C6: variants seen among roughly 807,000 people sequenced by gnomAD.
C6 encodes the protein complement component C6.
A neutral mutation model predicts 112.9 loss-of-function variants in C6; 101 were observed. That is an observed-to-expected ratio of 0.89 (90% CI 0.76 to 1.06). The LOEUF (loss-of-function observed/expected upper bound fraction) is 1.06. C6 is among the 50% of genes least tolerant of loss of function. The pLI is 0.00. For missense variants in C6, 1,202 were observed against 1,104.6 expected (o/e 1.09, Z -1.25); for synonymous variants, 431 against 384.1 (o/e 1.12, Z -1.43).
At chr5:41,202,133 G>T (rs1293662657) in intron 2 of C6, among the ~76,000 whole-genome samples, 1 of 152,116 alleles carries the variant, frequency 6.6e-6, no homozygotes, top group Non-Finnish European at 1.5e-5. Flanking sequence ...ACAACATAGG[G>T]GGCTGTGAGG....
At position 41,142,708 on chromosome 5, in the gene C6, T is replaced by A; in HGVS notation, c.*117A>T. 2.4e-6 allele frequency: 2 copies of A among 818,788 alleles called. No individual in the cohort carries two copies. The highest frequency in any genetic ancestry group is 2.8e-5 in the South Asian group (2 of 72,656). The allele number at this position is 818,788 out of a possible 1,614,324, so 50.7% of individuals were successfully genotyped here. ...TGATCTCAAACTAACAGAAAATAAT[T>A]TTTGTCAGTAACTTTGAGCATGCCA... On this transcript the variant is annotated 3_prime_UTR_variant, in exon 18 of 18. Transcript: ENST00000337836.
intron 1 of C6, among the ~76,000 whole-genome samples, chr5:41,210,179 A>G (rs1307238135): frequency 6.6e-6 from 1 of 152,222 alleles, no homozygotes; most frequent in Non-Finnish European, 1.5e-5. Context: ...GAAAGCTGAA[A>G]CTGGATCCCT....
chr5:41,229,588 G>A (rs967680586), intron 1 of C6, among the ~76,000 whole-genome samples: 2 of 151,484 alleles, frequency 1.3e-5, no homozygotes, highest in African/African-American at 4.8e-5. Flanking sequence ...TTTTTTTTGT[G>A]GCCTAACATG....
chr5:41,224,789 T>C (rs186809291), intron 1 of C6, among the ~76,000 whole-genome samples: 1 of 152,200 alleles, frequency 6.6e-6, no homozygotes, highest in Admixed American at 6.6e-5. Context: ...CTGGGTCATA[T>C]GGTAGCTCTA....
In C6 at chr5:41,143,025, A is replaced by G. The variant is rs1745492490; in HGVS notation, c.2624-19T>C. ...GTGGAGGCTGTAATGAGAGAGAGAG[A>G]GACAGTGTGACTTACCACAGTACAT... On this transcript the variant is annotated intron_variant, in intron 17 of 17. Transcript: ENST00000337836. 3.7e-6 allele frequency: 6 copies of G among 1,610,444 alleles called. No homozygotes were observed. Among genetic ancestry groups the G allele is most frequent in the Non-Finnish European group, 5.1e-6 (6 of 1,177,028 alleles).
intron 1 of C6, among the ~76,000 whole-genome samples, chr5:41,250,827 G>A (rs963291907): frequency 3.3e-5 from 5 of 152,170 alleles, no homozygotes; most frequent in Non-Finnish European, 5.9e-5. Context: ...TACCTCAGAA[G>A]CTGACTAATA....
intron 1 of C6, among the ~76,000 whole-genome samples, chr5:41,211,575 G>C (rs2150392659): frequency 1.3e-5 from 2 of 151,882 alleles, no homozygotes; most frequent in South Asian, 4.2e-4. Context: ...GGGAGCTGAG[G>C]CTCCCAAATA....
chr5:41,250,418 C>T (rs1380952485), intron 1 of C6, among the ~76,000 whole-genome samples: 1 of 152,096 alleles, frequency 6.6e-6, no homozygotes, highest in African/African-American at 2.4e-5. Flanking sequence ...CACAAATGTC[C>T]TTTAAACTTA....
At chr5:41,161,627 G>T in intron 10 of C6, 66 bp downstream of exon 10, 1 of 1,216,488 alleles carries the variant, frequency 8.2e-7, no homozygotes, top group Non-Finnish European at 1.2e-6. Context: ...TAAATTGTGT[G>T]ATGTGCAATT....
At chr5:41,207,964 CCA>C (rs1271841266) in intron 1 of C6, among the ~76,000 whole-genome samples, 1 of 152,162 alleles carries the variant, frequency 6.6e-6, no homozygotes, top group African/African-American at 2.4e-5. Flanking sequence ...CCAAAATTGA[CCA>C]CAGAGTTGGA....
intron 3 of C6, among the ~76,000 whole-genome samples, chr5:41,200,891 GTTTTTTTTTTTTTTTT>G (rs143443464): frequency 1.4e-5 from 1 of 70,670 alleles, no homozygotes; most frequent in Non-Finnish European, 2.4e-5. Flanking sequence ...TGTTGTTGTT[GTTTTTTTTTTTTTTTT>G]TTTTTTTTTT....
At chr5:41,199,688 T>C (rs1750862061) in intron 4 of C6, 80 bp downstream of exon 4, 4 of 1,342,822 alleles carry the variant, frequency 3.0e-6, no homozygotes, top group African/African-American at 1.4e-5. Flanking sequence ...TGATGGATTC[T>C]ACTGTTAGTC....
chr5:41,192,563 T>A (rs1007985310), intron 5 of C6, among the ~76,000 whole-genome samples: 4 of 152,178 alleles, frequency 2.6e-5, no homozygotes, highest in African/African-American at 9.6e-5. Flanking sequence ...TTACTCACAA[T>A]TGGTCTGTTT....
At position 41,190,301 on chromosome 5, in the gene C6, A is replaced by G. The variant is rs999640368; in HGVS notation, c.588-4093T>C. On this transcript the variant is annotated intron_variant, in intron 5 of 17. Coordinates refer to ENST00000337836, the MANE Select transcript of C6 (RefSeq NM_000065.5). ...TTTTTTTGTCTTTTTGATAATAGTCATTTCAACTGTAGTGAGATGATACCT... is the reference window on the plus strand; with the variant it reads ...TTTTTTTGTCTTTTTGATAATAGTCGTTTCAACTGTAGTGAGATGATACCT... Among the ~76,000 whole-genome samples, 4 of 152,094 alleles carry G rather than the reference A, an allele frequency of 2.6e-5. 1 individual carries two copies.
At chr5:41,220,742 A>G (rs1019113919) in intron 1 of C6, among the ~76,000 whole-genome samples, 1 of 152,074 alleles carries the variant, frequency 6.6e-6, no homozygotes, top group Admixed American at 6.6e-5. Flanking sequence ...TATTTTAGAT[A>G]CAGGAGGTAC....
chr5:41,236,048 G>T (rs1466396339), intron 1 of C6, among the ~76,000 whole-genome samples: 9 of 36,970 alleles, frequency 2.4e-4, no homozygotes, highest in Non-Finnish European at 1.0e-4. Context: ...TCTGATGGTA[G>T]TTTCTTTTGC....
intron 6 of C6, among the ~76,000 whole-genome samples, chr5:41,184,703 A>G (rs1446626781): frequency 6.6e-6 from 1 of 151,858 alleles, no homozygotes; most frequent in African/African-American, 2.4e-5. Flanking sequence ...AACTCCTGAC[A>G]CCCAAGTGAT....
chr5:41,205,626 G>A (rs1445335449), intron 1 of C6, among the ~76,000 whole-genome samples: 2 of 152,210 alleles, frequency 1.3e-5, no homozygotes, highest in Non-Finnish European at 2.9e-5. Context: ...CTCACAGCTA[G>A]CACAGCAGTC....
Position 41,155,070 on chromosome 5 carries a change from A to C in C6, c.2003T>G (p.Val668Gly), listed in dbSNP as rs763461505. ...AAAGCCAGTAAGGCATGAAATTTCA[A>C]CATCTTCTCCAACCAAGTATAGTTG... Reference protein sequence around the residue: ...EKQLYLVGEDVEISCLTGFET... With the variant: ...EKQLYLVGEDGEISCLTGFET... Residue 668 changes from valine (V) to glycine (G), a missense_variant, in exon 14 of 18, where the codon GTT becomes GGT. Transcript: ENST00000337836. 4 of 1,613,584 alleles carry C rather than the reference A, an allele frequency of 2.5e-6. No homozygotes were observed. The African/African-American group carries it at 5.3e-5, about 22-fold the overall frequency.
Sources: gnomAD v4.1 joint callset for allele counts (sites outside exome capture counted in the v4.1 genomes callset) on GRCh38, gnomAD v4.1.1 for gene constraint, MANE v1.5 for transcripts, NCBI Gene and HGNC (gene_info 2026-07-23, HGNC 2026-07-21) for gene names.